MARCHF1: variants seen among roughly 807,000 people sequenced by gnomAD.
The protein encoded by MARCHF1 is membrane associated ring-CH-type finger 1.
A neutral mutation model predicts 54.2 loss-of-function variants in MARCHF1; 40 were observed. The ratio of observed to expected loss-of-function variants is 0.74; its 90% CI spans 0.57 to 0.96. MARCHF1 has a LOEUF of 0.96. Ranked by LOEUF, MARCHF1 falls within the 40% of genes least tolerant of loss-of-function variation. The pLI, the probability that MARCHF1 is intolerant of heterozygous loss-of-function variation, is 0.00. For synonymous variants in MARCHF1, 236 were observed against 236.3 expected, an observed-to-expected ratio of 1.00 and a Z score of 0.01; for missense variants, 586 against 656.5, an observed-to-expected ratio of 0.89 and a Z score of 1.17.
intron 1 of MARCHF1, among the ~76,000 whole-genome samples, chr4:164,325,355 A>T (rs1263225486): frequency 6.7e-6 from 1 of 149,288 alleles, no homozygotes; most frequent in Non-Finnish European, 1.5e-5. Flanking sequence ...ATATATATAT[A>T]TTTGCACAGA....
At chr4:163,693,642 A>G (rs1333933479) in intron 5 of MARCHF1, among the ~76,000 whole-genome samples, 1 of 151,376 alleles carries the variant, frequency 6.6e-6, no homozygotes, top group Non-Finnish European at 1.5e-5. Context: ...TAGTTCTTTC[A>G]CCATTTGGAA....
intron 8 of MARCHF1, among the ~76,000 whole-genome samples, chr4:163,550,936 G>A (rs1739089715): frequency 6.6e-6 from 1 of 152,162 alleles, no homozygotes; most frequent in Admixed American, 6.5e-5. Flanking sequence ...ACCCTGTAAT[G>A]TGCTTTAACA....
chr4:163,978,435 C>T (rs1004518115), intron 3 of MARCHF1, among the ~76,000 whole-genome samples: 2 of 152,094 alleles, frequency 1.3e-5, no homozygotes, highest in Non-Finnish European at 2.9e-5. Context: ...TTTATTTTAT[C>T]CGAGTAAATC....
chr4:164,248,518 C>T (rs1733025583), intron 1 of MARCHF1, among the ~76,000 whole-genome samples: 1 of 151,982 alleles, frequency 6.6e-6, no homozygotes, highest in Non-Finnish European at 1.5e-5. Context: ...AGTTTTCCTC[C>T]ATGTTATCAA....
intron 2 of MARCHF1, among the ~76,000 whole-genome samples, chr4:164,002,811 G>A (rs1283054708): frequency 6.6e-6 from 1 of 151,768 alleles, no homozygotes; most frequent in Non-Finnish European, 1.5e-5. Context: ...CTTAAATAAT[G>A]CTGGTGAGCA....
chr4:163,954,853 T>C (rs996752494), intron 3 of MARCHF1, among the ~76,000 whole-genome samples: 21 of 152,184 alleles, frequency 1.4e-4, no homozygotes, highest in African/African-American at 5.1e-4. Flanking sequence ...TTTTGCCCCT[T>C]GCACCTTGTA....
chr4:163,700,004 T>C (rs547267564), intron 5 of MARCHF1, among the ~76,000 whole-genome samples: 1 of 151,562 alleles, frequency 6.6e-6, no homozygotes, highest in Non-Finnish European at 1.5e-5. Flanking sequence ...CCTCTAAATA[T>C]GGCCAAACTG....
intron 8 of MARCHF1, among the ~76,000 whole-genome samples, chr4:163,574,673 T>C (rs1486632916): frequency 6.6e-6 from 1 of 151,880 alleles, no homozygotes; most frequent in Non-Finnish European, 1.5e-5. Flanking sequence ...CATTGATCTA[T>C]ATCTCTGTTT....
At position 164,192,054 on chromosome 4, in the gene MARCHF1, G is replaced by A. The variant is rs1455770354; in HGVS notation, c.-322-80392C>T. Among the ~76,000 whole-genome samples the A allele has an allele frequency of 6.6e-5, 10 of 152,180 alleles. No individual in the cohort carries two copies. In the East Asian group the frequency reaches 9.7e-4, roughly 15 times the overall value. ...CAACGACAAGAATAATCTCAAGAAC[G>A]ATTGTACCTCACTAAGTAAATATTA... is the stretch of plus-strand genomic sequence containing the variant. On this transcript the variant is annotated intron_variant, in intron 1 of 9. Coordinates refer to ENST00000514618, the MANE Select transcript of MARCHF1 (RefSeq NM_001394959.1).
At chr4:164,264,177 C>A (rs1416946658) in intron 1 of MARCHF1, among the ~76,000 whole-genome samples, 1 of 152,138 alleles carries the variant, frequency 6.6e-6, no homozygotes, top group Non-Finnish European at 1.5e-5. Context: ...AAAATGATAT[C>A]ATGTCTTTTG....
chr4:164,259,573 G>GAAAAAAA (rs1251988969), intron 1 of MARCHF1, among the ~76,000 whole-genome samples: 1 of 123,088 alleles, frequency 8.1e-6, no homozygotes. Context: ...AAAGAAAAAA[G>GAAAAAAA]AAAAAGAAAA....
At chr4:163,750,397 G>C (rs1746486024) in intron 4 of MARCHF1, among the ~76,000 whole-genome samples, 1 of 151,658 alleles carries the variant, frequency 6.6e-6, no homozygotes, top group Non-Finnish European at 1.5e-5. Flanking sequence ...TGTAGTCCCA[G>C]CTACTCAGGA....
intron 1 of MARCHF1, among the ~76,000 whole-genome samples, chr4:164,141,281 G>A (rs1756527505): frequency 6.6e-6 from 1 of 152,128 alleles, no homozygotes; most frequent in Non-Finnish European, 1.5e-5. Context: ...ATCATCATGG[G>A]TCTCTGACAT....
chr4:163,763,358 C>A (rs1579266379), intron 4 of MARCHF1, among the ~76,000 whole-genome samples: 1 of 151,962 alleles, frequency 6.6e-6, no homozygotes, highest in Non-Finnish European at 1.5e-5. Flanking sequence ...TTGAATTAAC[C>A]CTCCCCTGAT....
chr4:164,237,134 GTTTT>G (rs1732584803), intron 1 of MARCHF1, among the ~76,000 whole-genome samples: 1 of 151,884 alleles, frequency 6.6e-6, no homozygotes, highest in African/African-American at 2.4e-5. Context: ...TTTTCTTTCT[GTTTT>G]ATTTGGAAAT....
intron 2 of MARCHF1, among the ~76,000 whole-genome samples, chr4:164,029,731 A>T (rs1351278764): frequency 2.6e-5 from 4 of 152,046 alleles, no homozygotes; most frequent in African/African-American, 9.7e-5. Flanking sequence ...AGTAGCTGAC[A>T]TTACAGGTGC....
intron 4 of MARCHF1, among the ~76,000 whole-genome samples, chr4:163,727,629 A>T (rs532444766): frequency 2.0e-5 from 3 of 148,708 alleles, no homozygotes; most frequent in South Asian, 4.2e-4. Flanking sequence ...TTTTTTTGCC[A>T]TGAAGATTTA....
intron 5 of MARCHF1, among the ~76,000 whole-genome samples, chr4:163,653,711 G>A (rs542565720): frequency 1.3e-5 from 2 of 151,838 alleles, no homozygotes; most frequent in East Asian, 3.9e-4. Context: ...AACTAGATGA[G>A]TGGATTTGAA....
At position 164,054,045 on chromosome 4, in the gene MARCHF1, T is replaced by C. The variant is rs923144267; in HGVS notation, c.-248+57543A>G. ...ACTCATCTGACAAAGGGCTAATATC[T>C]AGAATCTACAATGAACTCAAACAAA... On this transcript the variant is annotated intron_variant, in intron 2 of 9. Transcript: ENST00000514618. Among the ~76,000 whole-genome samples the C allele has an allele frequency of 1.5e-4, 23 of 151,256 alleles. No homozygotes were observed. The South Asian group carries it at 2.7e-3, about 18-fold the overall frequency.
Sources: allele counts gnomAD v4.1 joint callset (sites outside exome capture counted in the v4.1 genomes callset), GRCh38; gene constraint gnomAD v4.1.1; transcripts MANE v1.5; gene names NCBI Gene and HGNC (gene_info 2026-07-23, HGNC 2026-07-21).